Variants in EXOC6B observed in about 807,000 individuals in gnomAD.
EXOC6B encodes the protein SEC15 homolog B.
A neutral mutation model predicts 113.5 loss-of-function variants in EXOC6B; 54 were observed. That is an observed-to-expected ratio of 0.48 (90% CI 0.38 to 0.60). The LOEUF (loss-of-function observed/expected upper bound fraction) is 0.60. EXOC6B is among the 20% of genes least tolerant of loss of function. The pLI, the probability that EXOC6B is intolerant of heterozygous loss-of-function variation, is 0.00. For missense variants in EXOC6B, 797 were observed against 977.5 expected (o/e 0.82, Z 2.46); for synonymous variants, 357 against 339.0 (o/e 1.05, Z -0.58).
chr2:72,322,898 C>T (rs1687915398), intron 20 of EXOC6B, among the ~76,000 whole-genome samples: 3 of 152,110 alleles, frequency 2.0e-5, no homozygotes, highest in South Asian at 2.1e-4. Context: ...TAGAAGAGAA[C>T]CTAGGTAAAA....
intron 6 of EXOC6B, among the ~76,000 whole-genome samples, chr2:72,648,001 G>A (rs892662154): frequency 6.6e-6 from 1 of 152,158 alleles, no homozygotes; most frequent in Non-Finnish European, 1.5e-5. Flanking sequence ...GAAACCTACA[G>A]AATGGGAGAA....
At chr2:72,476,838 T>C (rs1277194874) in intron 17 of EXOC6B, among the ~76,000 whole-genome samples, 2 of 152,354 alleles carry the variant, frequency 1.3e-5, no homozygotes, top group South Asian at 2.1e-4. Flanking sequence ...CCTAATTCTA[T>C]GCTGAATACT....
chr2:72,334,989 G>C lies in EXOC6B; in HGVS notation c.2154C>G (p.Phe718Leu), dbSNP rs1688609565. 1 of 1,613,374 alleles carries C rather than the reference G, an allele frequency of 6.2e-7. No individual in the cohort carries two copies. The highest frequency in any genetic ancestry group is 8.5e-7 in the Non-Finnish European group (1 of 1,179,504). ...AGGCCAACTGCAGCGTGTCCTCCTG[G>C]AACCCAGGCACCGGGCCGGATCTGG... ...QFARSGPVPG[F>L]QEDTLQLAFI... Residue 718 changes from phenylalanine to leucine, a missense_variant, in exon 20 of 22, where the codon TTC becomes TTG. Physicochemically the swap from Phe to Leu is conservative, Grantham distance 22 (BLOSUM62 0). Coordinates refer to ENST00000272427, the MANE Select transcript of EXOC6B (RefSeq NM_015189.3).
intron 1 of EXOC6B, among the ~76,000 whole-genome samples, chr2:72,751,042 G>A (rs1201498541): frequency 6.6e-6 from 1 of 151,580 alleles, no homozygotes; most frequent in African/African-American, 2.4e-5. Flanking sequence ...ATATAAAAAG[G>A]AATTACCAAG....
intron 6 of EXOC6B, among the ~76,000 whole-genome samples, chr2:72,691,845 A>AT (rs34593787): frequency 0.017 from 2,462 of 148,646 alleles, 84 homozygotes; most frequent in African/African-American, 0.058. Context: ...CCCCACCTGG[A>AT]TTTTTTTTTT....
At chr2:72,406,767 G>A (rs1018617071) in intron 18 of EXOC6B, among the ~76,000 whole-genome samples, 3 of 152,040 alleles carry the variant, frequency 2.0e-5, no homozygotes, top group African/African-American at 7.2e-5. Context: ...ATCTAAAATG[G>A]ACACCCTAAC....
chr2:72,698,488 A>G, intron 6 of EXOC6B, among the ~76,000 whole-genome samples: 1 of 152,176 alleles, frequency 6.6e-6, no homozygotes, highest in East Asian at 1.9e-4. Context: ...GATGAATACC[A>G]ATTTTATGCT....
intron 20 of EXOC6B, among the ~76,000 whole-genome samples, chr2:72,267,358 G>A (rs1204089207): frequency 6.6e-6 from 1 of 150,556 alleles, no homozygotes; most frequent in Admixed American, 6.6e-5. Context: ...AATGCTTCCA[G>A]TTTTTGCCCA....
chr2:72,522,289 A>G (rs1248297217), intron 8 of EXOC6B, among the ~76,000 whole-genome samples: 1 of 152,184 alleles, frequency 6.6e-6, no homozygotes, highest in Non-Finnish European at 1.5e-5. Flanking sequence ...CACCCTATGT[A>G]CTACCTGGGG....
chr2:72,411,810 A>C (rs1694205506), intron 18 of EXOC6B, among the ~76,000 whole-genome samples: 1 of 152,210 alleles, frequency 6.6e-6, no homozygotes. Flanking sequence ...ATGAGTTCAT[A>C]ATCAAAAATT....
intron 18 of EXOC6B, among the ~76,000 whole-genome samples, chr2:72,397,590 A>T (rs1692804223): frequency 6.8e-6 from 1 of 146,166 alleles, no homozygotes; most frequent in African/African-American, 2.7e-5. Flanking sequence ...ACTGCACTCC[A>T]GCCTGGTGAC....
intron 1 of EXOC6B, among the ~76,000 whole-genome samples, chr2:72,743,937 A>AGG (rs1681519690): frequency 2.0e-5 from 3 of 152,196 alleles, no homozygotes; most frequent in Admixed American, 2.0e-4. Flanking sequence ...ATAATGTTTT[A>AGG]GTTAACGATG....
intron 8 of EXOC6B, among the ~76,000 whole-genome samples, chr2:72,530,147 T>C (rs1376099096): frequency 6.6e-6 from 1 of 152,220 alleles, no homozygotes; most frequent in Non-Finnish European, 1.5e-5. Context: ...GCTCTTATTA[T>C]TCTTCCATTC....
At chr2:72,778,794 G>C (rs1486407128) in intron 1 of EXOC6B, among the ~76,000 whole-genome samples, 1 of 152,088 alleles carries the variant, frequency 6.6e-6, no homozygotes, top group Non-Finnish European at 1.5e-5. Flanking sequence ...TTCCCAAAAT[G>C]TCATGTTTCA....
At chr2:72,680,087 T>C (rs1558912101) in intron 6 of EXOC6B, among the ~76,000 whole-genome samples, 5 of 152,178 alleles carry the variant, frequency 3.3e-5, no homozygotes, top group Admixed American at 6.5e-5. Context: ...AAAATATATA[T>C]GGATAATAAA....
chr2:72,448,891 G>C (rs912301531), intron 18 of EXOC6B, among the ~76,000 whole-genome samples: 15 of 152,182 alleles, frequency 9.9e-5, no homozygotes, highest in Non-Finnish European at 1.5e-5. Flanking sequence ...TTGCATCTGG[G>C]AAGATGGCTA....
intron 20 of EXOC6B, among the ~76,000 whole-genome samples, chr2:72,239,948 T>C (rs993634982): frequency 1.3e-5 from 2 of 152,196 alleles, no homozygotes; most frequent in African/African-American, 4.8e-5. Flanking sequence ...TCATTTTTAA[T>C]TTGTTCATTG....
intron 7 of EXOC6B, among the ~76,000 whole-genome samples, chr2:72,571,605 G>A (rs1704515090): frequency 6.6e-6 from 1 of 152,072 alleles, no homozygotes; most frequent in South Asian, 2.1e-4. Flanking sequence ...ATCATTAAGA[G>A]ACTGACTCTT....
chr2:72,678,900 T>C (rs1029295415), intron 6 of EXOC6B, among the ~76,000 whole-genome samples: 25 of 152,288 alleles, frequency 1.6e-4, no homozygotes, highest in Non-Finnish European at 2.9e-4. Context: ...TAGGATTTCA[T>C]AAGACACAAA....
Sources: gnomAD v4.1 joint callset for allele counts (sites outside exome capture counted in the v4.1 genomes callset) on GRCh38, gnomAD v4.1.1 for gene constraint, MANE v1.5 for transcripts, NCBI Gene and HGNC (gene_info 2026-07-23, HGNC 2026-07-21) for gene names.